The following BTBD9 variants were observed in gnomAD, a reference collection of about 807,000 sequenced individuals.
BTBD9 encodes the protein BTB domain containing 9.
Under a neutral mutation model 64.3 loss-of-function variants are expected in BTBD9, and 49 were observed. The ratio of observed to expected loss-of-function variants is 0.76; its 90% confidence interval spans 0.61 to 0.97. The LOEUF (loss-of-function observed/expected upper bound fraction) is 0.97, where lower values mean the gene tolerates loss of function less well. Ranked by LOEUF, BTBD9 falls within the 50% of genes least tolerant of loss-of-function variation. The probability of loss-of-function intolerance (pLI) is 0.00; values close to 1 mark genes in which losing one functional copy is unlikely to be tolerated. For synonymous variants in BTBD9, 260 were observed against 274.7 expected (o/e 0.95, Z 0.53); for missense variants, 598 against 762.1 (o/e 0.78, Z 2.53).
In BTBD9 at chr6:38,454,213, C is replaced by T. The variant is rs571720957; in HGVS notation, c.1155-109120G>A. Reference sequence around the variant, plus strand: ...TAAATGTTAACTCAATGTTCATGTCCTCTGGCGGACACAGCTATTTTATTG... The same window carrying T: ...TAAATGTTAACTCAATGTTCATGTCTTCTGGCGGACACAGCTATTTTATTG... On this transcript the variant is annotated intron_variant, in intron 6 of 10. Coordinates refer to ENST00000481247, the MANE Select transcript of BTBD9 (RefSeq NM_001099272.2). Among the ~76,000 whole-genome samples the T allele has an allele frequency of 3.3e-5, 5 of 152,144 alleles. No homozygotes were observed. The East Asian group carries it at 9.7e-4, about 29-fold the overall frequency.
At chr6:38,255,079 A>AT (rs1306997718) in intron 9 of BTBD9, among the ~76,000 whole-genome samples, 1 of 152,250 alleles carries the variant, frequency 6.6e-6, no homozygotes, top group Non-Finnish European at 1.5e-5. Flanking sequence ...CTATTCAGCC[A>AT]TAAAAAATGA....
At chr6:38,476,665 C>T (rs1376599262) in intron 6 of BTBD9, among the ~76,000 whole-genome samples, 1 of 152,094 alleles carries the variant, frequency 6.6e-6, no homozygotes, top group Non-Finnish European at 1.5e-5. Context: ...ATACAAATAA[C>T]AAAGGATCTA....
intron 4 of BTBD9, chr6:38,588,525 G>A (rs950486614): frequency 9.7e-6 from 8 of 821,604 alleles, no homozygotes; most frequent in Admixed American, 5.1e-5. Context: ...CCTGGTTATC[G>A]ATAACGAGGC....
intron 10 of BTBD9, among the ~76,000 whole-genome samples, chr6:38,188,117 T>C (rs890978155): frequency 1.3e-5 from 2 of 152,204 alleles, no homozygotes; most frequent in African/African-American, 4.8e-5. Flanking sequence ...CAGGCCAGCC[T>C]GGGGGGCCTG....
chr6:38,627,842 G>A (rs1778223512), intron 1 of BTBD9, among the ~76,000 whole-genome samples: 1 of 152,164 alleles, frequency 6.6e-6, no homozygotes, highest in Non-Finnish European at 1.5e-5. Flanking sequence ...ACTGCAGCAT[G>A]AGTATTAGCA....
At chr6:38,448,297 G>C (rs983450925) in intron 6 of BTBD9, among the ~76,000 whole-genome samples, 1 of 152,220 alleles carries the variant, frequency 6.6e-6, no homozygotes, top group African/African-American at 2.4e-5. Flanking sequence ...GTAAAAGAAA[G>C]AGAAGGAGAG....
intron 10 of BTBD9, among the ~76,000 whole-genome samples, chr6:38,191,605 C>T (rs1276098511): frequency 6.6e-6 from 1 of 152,240 alleles, no homozygotes; most frequent in Non-Finnish European, 1.5e-5. Context: ...AGGACTCACA[C>T]CAGACTCGGG....
rs143958819 is a variant in BTBD9 at position 38,543,363 on chromosome 6, C to T, written c.1154+34237G>A. On this transcript the variant is annotated intron_variant, in intron 6 of 10. Coordinates refer to ENST00000481247, the MANE Select transcript of BTBD9 (RefSeq NM_001099272.2). ...ATTACCTTGCTTACTGATTTATTTACCTATTGTATATATCACCCCTCTAGA... is the reference window on the plus strand; with the variant it reads ...ATTACCTTGCTTACTGATTTATTTATCTATTGTATATATCACCCCTCTAGA... Among the ~76,000 whole-genome samples, 45 of 152,294 alleles carry T rather than the reference C, an allele frequency of 3.0e-4. No homozygotes were observed. The East Asian group carries it at 5.6e-3, about 19-fold the overall frequency.
chr6:38,448,720 G>A (rs1769385319), intron 6 of BTBD9, among the ~76,000 whole-genome samples: 1 of 152,154 alleles, frequency 6.6e-6, no homozygotes, highest in Non-Finnish European at 1.5e-5. Context: ...GTTTTGCCAT[G>A]TTGGCCAGGT....
intron 6 of BTBD9, among the ~76,000 whole-genome samples, chr6:38,375,402 T>A (rs1765641370): frequency 6.6e-6 from 1 of 152,210 alleles, no homozygotes; most frequent in Non-Finnish European, 1.5e-5. Flanking sequence ...GAAGTCTTAG[T>A]GTGAGTTAGA....
intron 6 of BTBD9, among the ~76,000 whole-genome samples, chr6:38,562,630 G>A (rs1775309726): frequency 6.6e-6 from 1 of 152,014 alleles, no homozygotes; most frequent in African/African-American, 2.4e-5. Context: ...CATACGTAAG[G>A]TTGTTTATTG....
chr6:38,577,519 TGAAAAA>T, intron 6 of BTBD9, 75 bp downstream of exon 6: 4 of 1,389,530 alleles, frequency 2.9e-6, no homozygotes, highest in Non-Finnish European at 3.9e-6. Flanking sequence ...TTTTTCAAGA[TGAAAAA>T]TGCAGTTCTG....
intron 1 of BTBD9, among the ~76,000 whole-genome samples, chr6:38,618,650 T>TC (rs1777878235): frequency 6.6e-6 from 1 of 152,198 alleles, no homozygotes; most frequent in Non-Finnish European, 1.5e-5. Flanking sequence ...CAGGTGCATG[T>TC]CCCCTTTTCT....
At chr6:38,506,157 C>T (rs1562274230) in intron 6 of BTBD9, among the ~76,000 whole-genome samples, 4 of 152,028 alleles carry the variant, frequency 2.6e-5, no homozygotes, top group Non-Finnish European at 4.4e-5. Flanking sequence ...GCCAAATCAT[C>T]TTGATTCTAT....
chr6:38,357,573 CTCCCCA>C (rs1396996586), intron 6 of BTBD9, among the ~76,000 whole-genome samples: 1 of 152,216 alleles, frequency 6.6e-6, no homozygotes, highest in African/African-American at 2.4e-5. Context: ...CTGCTCCACT[CTCCCCA>C]TCCCTTTGGT....
At chr6:38,432,751 G>A (rs764890271) in intron 6 of BTBD9, among the ~76,000 whole-genome samples, 97 of 151,916 alleles carry the variant, frequency 6.4e-4, no homozygotes, top group Non-Finnish European at 7.6e-4. Flanking sequence ...AGTGTATGAG[G>A]ACCATTTTCC....
intron 7 of BTBD9, among the ~76,000 whole-genome samples, chr6:38,312,852 TTTG>T (rs1363439353): frequency 6.6e-6 from 1 of 152,200 alleles, no homozygotes; most frequent in African/African-American, 2.4e-5. Context: ...TTCTTTCAGT[TTTG>T]TTCTTTTTGT....
intron 6 of BTBD9, among the ~76,000 whole-genome samples, chr6:38,439,955 T>C (rs775154705): frequency 6.6e-6 from 1 of 152,174 alleles, no homozygotes; most frequent in African/African-American, 2.4e-5. Context: ...TTGGAATTAC[T>C]ATCTAGTAAA....
At chr6:38,345,466 G>C (rs1046312488) in intron 6 of BTBD9, among the ~76,000 whole-genome samples, 1 of 152,218 alleles carries the variant, frequency 6.6e-6, no homozygotes, top group Non-Finnish European at 1.5e-5. Flanking sequence ...TTAGGAATGT[G>C]CTGGAGCACA....
Sources: gnomAD v4.1 joint callset for allele counts (sites outside exome capture counted in the v4.1 genomes callset) on GRCh38, gnomAD v4.1.1 for gene constraint, MANE v1.5 for transcripts, NCBI Gene and HGNC (gene_info 2026-07-23, HGNC 2026-07-21) for gene names.